The following STX7 variants were observed in gnomAD, a reference collection of about 807,000 sequenced individuals.
The protein encoded by STX7 is syntaxin-7.
Under a neutral mutation model 39.6 loss-of-function variants are expected in STX7, and 34 were observed. That is an observed-to-expected ratio of 0.86 (90% CI 0.65 to 1.14). The LOEUF (loss-of-function observed/expected upper bound fraction) is 1.14, where lower values mean the gene tolerates loss of function less well. Among genes scored for constraint, STX7 ranks in the 50% most tolerant of loss-of-function variants. The pLI is 0.00. For missense variants in STX7, 284 were observed against 310.4 expected, an observed-to-expected ratio of 0.92 and a Z score of 0.64; for synonymous variants, 119 against 99.1, an observed-to-expected ratio of 1.20 and a Z score of -1.19.
Position 132,512,046 on chromosome 6 carries a change from G to A in STX7, c.-59+961C>T, listed in dbSNP as rs11970481. On this transcript the variant is annotated intron_variant, in intron 1 of 9. Coordinates refer to ENST00000367941, the MANE Select transcript of STX7 (RefSeq NM_003569.3). ...CCAACTTCTCAAAGTAGCCTATAAG[G>A]CCTGTCCACAACACAAAACACAGTT... Among the ~76,000 whole-genome samples, 478 of 152,176 alleles carry A rather than the reference G, an allele frequency of 3.1e-3. 1 individual carries two copies. Among genetic ancestry groups the A allele is most frequent in the African/African-American group, 0.011 (447 of 41,514 alleles).
intron 2 of STX7, among the ~76,000 whole-genome samples, chr6:132,486,583 G>GT (rs2114426877): frequency 6.6e-6 from 1 of 151,716 alleles, no homozygotes; most frequent in Non-Finnish European, 1.5e-5. Context: ...TAAAATATTG[G>GT]TGATTTGATT....
At chr6:132,474,913 T>C (rs1022786607) in intron 3 of STX7, among the ~76,000 whole-genome samples, 3 of 152,112 alleles carry the variant, frequency 2.0e-5, no homozygotes, top group Admixed American at 6.5e-5. Flanking sequence ...GGTATAAACT[T>C]GTGGGGAGAC....
Position 132,503,464 on chromosome 6 carries a change from G to A in STX7, c.67C>T (p.Gln23Ter), listed in dbSNP as rs1775626904. The change falls in exon 2 of 10, where the codon CAG becomes TAG. Residue 23 changes from glutamine (Q) to a stop codon, truncating the protein, a stop_gained. Transcript: ENST00000367941. LOFTEE classifies it high-confidence loss of function. ...QLAQRISSNI[Q>*]KITQCSVEIQ... Reference sequence around the variant, plus strand: ...AACTCACAACACTGTGTGATCTTCTGGATGTTAGAAGAGATCCTCTGGGCC... The same window carrying A: ...AACTCACAACACTGTGTGATCTTCTAGATGTTAGAAGAGATCCTCTGGGCC... The A allele has an allele frequency of 6.2e-7, 1 of 1,613,834 alleles. No homozygotes were observed. Among genetic ancestry groups the A allele is most frequent in the Non-Finnish European group, 8.5e-7 (1 of 1,179,760 alleles).
At chr6:132,474,444 T>C (rs1774818845) in intron 3 of STX7, among the ~76,000 whole-genome samples, 1 of 152,142 alleles carries the variant, frequency 6.6e-6, no homozygotes, top group Non-Finnish European at 1.5e-5. Context: ...AAATTAGAGA[T>C]AATTGTAAGT....
chr6:132,486,234 T>C (rs1775128787), intron 2 of STX7, among the ~76,000 whole-genome samples: 1 of 152,204 alleles, frequency 6.6e-6, no homozygotes, highest in African/African-American at 2.4e-5. Flanking sequence ...ATGGATCCTC[T>C]AGTACAATTC....
At chr6:132,490,512 AT>A (rs962961688) in intron 2 of STX7, among the ~76,000 whole-genome samples, 1 of 152,250 alleles carries the variant, frequency 6.6e-6, no homozygotes, top group African/African-American at 2.4e-5. Context: ...ACCCATAAAA[AT>A]TACATTTTCA....
At chr6:132,467,692 A>C (rs1774596673) in intron 8 of STX7, among the ~76,000 whole-genome samples, 1 of 152,218 alleles carries the variant, frequency 6.6e-6, no homozygotes, top group Non-Finnish European at 1.5e-5. Flanking sequence ...ATGGATAAAA[A>C]ATAGTTACAC....
chr6:132,500,015 A>C (rs1356527325), intron 2 of STX7, among the ~76,000 whole-genome samples: 2 of 152,104 alleles, frequency 1.3e-5, no homozygotes, highest in Non-Finnish European at 2.9e-5. Context: ...CACATGCATC[A>C]GCAAGTCCCG....
intron 2 of STX7, among the ~76,000 whole-genome samples, chr6:132,478,684 G>A (rs138844741): frequency 3.4e-4 from 52 of 152,290 alleles, no homozygotes; most frequent in Non-Finnish European, 5.7e-4. Context: ...GCTTATTCAG[G>A]TGGTGACTCC....
chr6:132,448,953 A>G lies in STX7; in HGVS notation c.*11805T>C, dbSNP rs1459630181. 1 of 151,560 alleles carries G rather than the reference A, an allele frequency of 6.6e-6. No homozygotes were observed. Among genetic ancestry groups the G allele is most frequent in the African/African-American group, 2.4e-5 (1 of 41,276 alleles). 9.4% of individuals were successfully genotyped at this position (151,560 alleles called of 1,614,324 possible). A position where few individuals can be genotyped will look rare whatever the true frequency, so the allele number is the denominator to read the frequency against. ...TTTATTGTTCTGAAGTTTGAGTATA[A>G]TGAATATACATTGGCTTCCTTTTCC... On this transcript the variant is annotated 3_prime_UTR_variant, in exon 10 of 10. Transcript: ENST00000367941.
intron 3 of STX7, among the ~76,000 whole-genome samples, chr6:132,473,166 TAAAAA>T (rs1220658991): frequency 2.0e-5 from 3 of 151,724 alleles, no homozygotes; most frequent in Non-Finnish European, 4.4e-5. Flanking sequence ...TCTCAAAAAA[TAAAAA>T]TAAAAAGGAA....
rs564826022 is a variant in STX7 at position 132,471,005 on chromosome 6, C to G, written c.388-379G>C. Among the ~76,000 whole-genome samples, 23 of 152,140 alleles carry G rather than the reference C, an allele frequency of 1.5e-4. No homozygotes were observed. The East Asian group carries it at 4.4e-3, about 29-fold the overall frequency. On this transcript the variant is annotated intron_variant, in intron 5 of 9. Coordinates refer to ENST00000367941, the MANE Select transcript of STX7 (RefSeq NM_003569.3). ...TTTAAAATTAGATTAATTCAAAATT[C>G]TATTGTAAAGCTTCCTTTCATTTAT...
rs1287798776 is a variant in STX7 at position 132,455,504 on chromosome 6, C to A, written c.*5254G>T. 1.3e-5 allele frequency: 2 copies of A among 152,130 alleles called. No homozygotes were observed. Among genetic ancestry groups the A allele is most frequent in the Non-Finnish European group, 2.9e-5 (2 of 68,024 alleles). The allele number at this position is 152,130 out of a possible 1,614,324, so 9.4% of individuals were successfully genotyped here. A position where few individuals can be genotyped will look rare whatever the true frequency, so the allele number is the denominator to read the frequency against. ...GATTCAATTCAGTTCTAGAAAACTC[C>A]CTCGTCAACAAGTAGAGGTGTTGTG... On this transcript the variant is annotated 3_prime_UTR_variant, in exon 10 of 10. Transcript: ENST00000367941.
chr6:132,497,501 T>A (rs1775446174), intron 2 of STX7, among the ~76,000 whole-genome samples: 1 of 152,238 alleles, frequency 6.6e-6, no homozygotes, highest in Non-Finnish European at 1.5e-5. Flanking sequence ...TTCATTCAGC[T>A]ATACACAAAT....
chr6:132,490,646 G>A (rs142700304), intron 2 of STX7, among the ~76,000 whole-genome samples: 146 of 152,272 alleles, frequency 9.6e-4, no homozygotes, highest in Middle Eastern at 6.8e-3. Flanking sequence ...GAGAATAACC[G>A]GGGTTGCAGA....
At chr6:132,468,360 G>T in intron 8 of STX7, 43 bp downstream of exon 8, 1 of 1,462,008 alleles carries the variant, frequency 6.8e-7, no homozygotes, top group African/African-American at 1.4e-5. Flanking sequence ...TAAAGTGCAT[G>T]TAGCTTGCTC....
intron 2 of STX7, among the ~76,000 whole-genome samples, chr6:132,480,904 C>T (rs772265260): frequency 1.3e-5 from 2 of 152,152 alleles, no homozygotes; most frequent in Admixed American, 6.5e-5. Context: ...ATTAACTGTT[C>T]GTCTCCTTCC....
chr6:132,492,920 C>T (rs1775331083), intron 2 of STX7, among the ~76,000 whole-genome samples: 1 of 152,174 alleles, frequency 6.6e-6, no homozygotes, highest in South Asian at 2.1e-4. Flanking sequence ...CACCCTGCCC[C>T]ACTCTCCTCC....
rs1459187317 is a variant in STX7 at position 132,479,635 on chromosome 6, T to C, written c.86-3973A>G. 3.3e-5 allele frequency among the ~76,000 whole-genome samples: 5 copies of C among 152,290 alleles called. No individual in the cohort carries two copies. The East Asian group carries it at 9.6e-4, about 29-fold the overall frequency. On this transcript the variant is annotated intron_variant, in intron 2 of 9. Coordinates refer to ENST00000367941, the MANE Select transcript of STX7 (RefSeq NM_003569.3). ...GTTCAGTGAAATAATAAACTAGCAA[T>C]GGCTGTCAGAACAAAAGCCACATAT...
Sources: gnomAD v4.1 joint callset for allele counts (sites outside exome capture counted in the v4.1 genomes callset) on GRCh38, gnomAD v4.1.1 for gene constraint, MANE v1.5 for transcripts, NCBI Gene and HGNC (gene_info 2026-07-23, HGNC 2026-07-21) for gene names.